Variants in CADPS observed in about 807,000 individuals in gnomAD.
CADPS encodes calcium-dependent secretion activator 1.
CADPS carries 57 observed loss-of-function variants against 167.3 expected under a neutral mutation model. That is an observed-to-expected ratio of 0.34 (90% CI 0.28 to 0.42). The LOEUF (loss-of-function observed/expected upper bound fraction) is 0.42, where lower values mean the gene tolerates loss of function less well. Ranked by LOEUF, CADPS falls within the 20% of genes least tolerant of loss-of-function variation. The probability of loss-of-function intolerance (pLI) is 1.00; values close to 1 mark genes in which losing one functional copy is unlikely to be tolerated. For missense variants in CADPS, 1,414 were observed against 1,738.1 expected (o/e 0.81, Z 3.32); for synonymous variants, 676 against 635.3 (o/e 1.06, Z -0.96).
intron 1 of CADPS, among the ~76,000 whole-genome samples, chr3:62,861,642 T>G (rs1000879483): frequency 2.0e-5 from 3 of 152,150 alleles, no homozygotes; most frequent in African/African-American, 7.2e-5. Context: ...TCCACACATT[T>G]CACTTAATCT....
chr3:62,781,886 C>T (rs113989798), intron 1 of CADPS, among the ~76,000 whole-genome samples: 12 of 152,336 alleles, frequency 7.9e-5, no homozygotes, highest in Admixed American at 3.3e-4. Flanking sequence ...TTACAGCCTT[C>T]GCTTCACTGA....
intron 1 of CADPS, chr3:62,779,523 C>T (rs2091123356): frequency 1.9e-6 from 1 of 536,686 alleles, no homozygotes; most frequent in African/African-American, 1.9e-5. Flanking sequence ...CTTGGCCCAT[C>T]ATGTGGCTGC....
At chr3:62,635,403 C>T (rs1034761200) in intron 6 of CADPS, among the ~76,000 whole-genome samples, 5 of 152,088 alleles carry the variant, frequency 3.3e-5, no homozygotes, top group African/African-American at 4.8e-5. Context: ...TCATTCCTTC[C>T]CTCTCTAGTA....
At chr3:62,743,525 T>C (rs1279646173) in intron 3 of CADPS, among the ~76,000 whole-genome samples, 1 of 152,192 alleles carries the variant, frequency 6.6e-6, no homozygotes, top group Admixed American at 6.5e-5. Context: ...AACAACTTTT[T>C]AAAAATTTTG....
chr3:62,693,503 C>T (rs1251394004), intron 3 of CADPS, among the ~76,000 whole-genome samples: 1 of 152,006 alleles, frequency 6.6e-6, no homozygotes, highest in Non-Finnish European at 1.5e-5. Flanking sequence ...CAGTGGCTCA[C>T]ATCTGTAATC....
At chr3:62,800,462 GC>G (rs2093694919) in intron 1 of CADPS, among the ~76,000 whole-genome samples, 1 of 152,052 alleles carries the variant, frequency 6.6e-6, no homozygotes, top group Non-Finnish European at 1.5e-5. Flanking sequence ...TTTATTATAT[GC>G]TTTTCCAGAA....
intron 3 of CADPS, among the ~76,000 whole-genome samples, chr3:62,742,385 G>C (rs1323718745): frequency 6.6e-6 from 1 of 151,974 alleles, no homozygotes; most frequent in Non-Finnish European, 1.5e-5. Context: ...TATACTACAG[G>C]GCTACAGTAA....
intron 8 of CADPS, among the ~76,000 whole-genome samples, chr3:62,575,442 T>G (rs1415197842): frequency 6.6e-6 from 1 of 152,206 alleles, no homozygotes; most frequent in African/African-American, 2.4e-5. Context: ...TTCTCATCTT[T>G]ACAATGGGGA....
rs796748193 is a variant in CADPS at position 62,448,623 on chromosome 3, G to GC, written c.3637-2827_3637-2826insG. On this transcript the variant is annotated intron_variant, in intron 26 of 29. Coordinates refer to ENST00000383710, the MANE Select transcript of CADPS (RefSeq NM_003716.4). ...TGGTTCGGGATATTGAACTTTTTTG[G>GC]GGGGGGGTGGTATGGAGTCTCACTG... Among the ~76,000 whole-genome samples, 158 of 130,368 alleles carry GC rather than the reference G, an allele frequency of 1.2e-3. 1 individual carries two copies. The highest frequency in any genetic ancestry group is 4.0e-3 in the African/African-American group (147 of 36,512). 85.5% of individuals were successfully genotyped at this position (130,368 alleles called of 152,430 possible).
At position 62,773,049 on chromosome 3, in the gene CADPS, T is replaced by C. The variant is rs59839794; in HGVS notation, c.442-7065A>G. Among the ~76,000 whole-genome samples the C allele has an allele frequency of 7.4e-3, 1,070 of 144,230 alleles. 18 individuals are homozygous for C. Among genetic ancestry groups the C allele is most frequent in the African/African-American group, 0.025 (1,015 of 40,744 alleles). The allele number at this position is 144,230 out of a possible 152,430, so 94.6% of individuals were successfully genotyped here. A position where few individuals can be genotyped will look rare whatever the true frequency, so the allele number is the denominator to read the frequency against. On this transcript the variant is annotated intron_variant, in intron 1 of 29. Transcript: ENST00000383710. ...TTTTAAAGCTTTTCTTTATTATAGA[T>C]AACTGGAAAAAAAGTCAACTCAACA... is the stretch of plus-strand genomic sequence containing the variant.
chr3:62,816,322 A>G (rs1353696092), intron 1 of CADPS, among the ~76,000 whole-genome samples: 1 of 152,142 alleles, frequency 6.6e-6, no homozygotes, highest in Non-Finnish European at 1.5e-5. Flanking sequence ...TTGTGGGCTT[A>G]GAGGTTGTCT....
chr3:62,800,624 T>G (rs990488613), intron 1 of CADPS, among the ~76,000 whole-genome samples: 7 of 152,192 alleles, frequency 4.6e-5, no homozygotes, highest in African/African-American at 1.7e-4. Context: ...CTTGTTAATA[T>G]AAACATGTTC....
chr3:62,874,017 A>C lies in CADPS; in HGVS notation c.441+572T>G, dbSNP rs972109037. The stretch of plus-strand genomic sequence containing the variant: ...AGAGGAGGGTGCCCTTCGCAGAGTC[A>C]CGGGAAGCTTCGCCTTCTGGGCTTG... On this transcript the variant is annotated intron_variant, in intron 1 of 29. Transcript: ENST00000383710. The surrounding 1 kb of genome is among the most constrained non-coding windows in gnomAD (Gnocchi z 7.1). Among the ~76,000 whole-genome samples, 4 of 152,204 alleles carry C rather than the reference A, an allele frequency of 2.6e-5. No individual in the cohort carries two copies. Among genetic ancestry groups the C allele is most frequent in the Non-Finnish European group, 2.9e-5 (2 of 68,024 alleles).
chr3:62,737,827 G>A lies in CADPS; in HGVS notation c.888+15614C>T, dbSNP rs116344266. Among the ~76,000 whole-genome samples the A allele has an allele frequency of 8.2e-3, 1,244 of 152,196 alleles. 17 individuals are homozygous for A. Among genetic ancestry groups the A allele is most frequent in the African/African-American group, 0.029 (1,195 of 41,532 alleles). On this transcript the variant is annotated intron_variant, in intron 3 of 29. Transcript: ENST00000383710. ...GTTCCTTCATTTCCATCAGGCCTCT[G>A]CTGAAGGGTCACAAACCCTACAGAG...
intron 1 of CADPS, among the ~76,000 whole-genome samples, chr3:62,870,284 T>C (rs1411172233): frequency 6.6e-6 from 1 of 152,190 alleles, no homozygotes; most frequent in Non-Finnish European, 1.5e-5. Context: ...AGTCATATAT[T>C]GCACTAACAA....
At chr3:62,721,695 T>C (rs867348294) in intron 3 of CADPS, among the ~76,000 whole-genome samples, 7 of 152,210 alleles carry the variant, frequency 4.6e-5, no homozygotes, top group African/African-American at 1.4e-4. Context: ...ATTTAAATAA[T>C]TTATATGACA....
chr3:62,599,852 AAT>A (rs369451434), intron 6 of CADPS, among the ~76,000 whole-genome samples: 31,915 of 42,430 alleles, frequency 0.75, 12,784 homozygotes, highest in East Asian at 0.94. Flanking sequence ...ATATATATAT[AAT>A]ATATATAATA....
At chr3:62,712,555 T>TA (rs1229548263) in intron 3 of CADPS, among the ~76,000 whole-genome samples, 1 of 152,232 alleles carries the variant, frequency 6.6e-6, no homozygotes, top group Non-Finnish European at 1.5e-5. Context: ...AATGATGAAT[T>TA]AAAAATGAAG....
intron 1 of CADPS, among the ~76,000 whole-genome samples, chr3:62,783,330 A>T (rs2091990692): frequency 6.6e-6 from 1 of 151,826 alleles, no homozygotes; most frequent in African/African-American, 2.4e-5. Flanking sequence ...TTCCTTCTAC[A>T]GACCCAAGTT....
Sources: allele counts gnomAD v4.1 joint callset (sites outside exome capture counted in the v4.1 genomes callset), GRCh38; gene constraint gnomAD v4.1.1; non-coding constraint Gnocchi (gnomAD v3.1); transcripts MANE v1.5; gene names NCBI Gene and HGNC (gene_info 2026-07-23, HGNC 2026-07-21).